Variants in GATD1 observed in about 807,000 individuals in gnomAD.
GATD1 encodes glutamine amidotransferase class 1 domain containing 1.
A neutral mutation model predicts 25.9 loss-of-function variants in GATD1; 23 were observed. That is an observed-to-expected ratio of 0.89 (90% CI 0.64 to 1.26). GATD1 has a LOEUF of 1.26. Ranked by LOEUF, GATD1 falls within the 50% of genes most tolerant of loss-of-function variation. The pLI is 0.00. For missense variants in GATD1, 347 were observed against 312.5 expected (o/e 1.11, Z -0.83); for synonymous variants, 177 against 134.6 (o/e 1.31, Z -2.18).
chr11:775,009 C>A, intron 2 of GATD1, 57 bp downstream of exon 2: 2 of 1,502,512 alleles, frequency 1.3e-6, no homozygotes, highest in Middle Eastern at 1.8e-4. Flanking sequence ...GACCTTGCCC[C>A]CGGAGAGGTG....
In GATD1 at chr11:769,956, G is replaced by A; in HGVS notation, c.*941C>T. The A allele has an allele frequency of 9.9e-7, 1 of 1,011,080 alleles. No individual in the cohort carries two copies. The highest frequency in any genetic ancestry group is 1.2e-6 in the Non-Finnish European group (1 of 847,232). 62.6% of individuals were successfully genotyped at this position (1,011,080 alleles called of 1,614,324 possible). On this transcript the variant is annotated 3_prime_UTR_variant, in exon 8 of 8. Transcript: ENST00000319863. ...ATAATCACAAGGGGCCTCCTGGCAG[G>A]TCACTGGCACCAGGAGCCACGCTGG...
chr11:774,010 T>C lies in GATD1; in HGVS notation c.245A>G (p.Asp82Gly). Residue 82 changes from aspartate to glycine, a missense_variant and splice_region_variant, in exon 3 of 8, where the codon GAT becomes GGT. Physicochemically the swap from Asp to Gly is moderately conservative, Grantham distance 94. Transcript: ENST00000319863. ...CAAGGAGTGGGTCCCGGGCCTACCA[T>C]CGATGGACTCGAGCTTGGCGGGGCT... is the stretch of plus-strand genomic sequence containing the variant. Reference protein sequence around the residue: ...YASPAKLESIDGARYHALLIP... With the variant: ...YASPAKLESIGGARYHALLIP... 1 of 1,613,486 alleles carries C rather than the reference T, an allele frequency of 6.2e-7. No homozygotes were observed.
intron 1 of GATD1, among the ~76,000 whole-genome samples, chr11:776,002 G>C (rs1352206595): frequency 1.6e-4 from 1 of 6,070 alleles, no homozygotes; most frequent in Non-Finnish European, 4.9e-4. Context: ...TTTTTTTTTT[G>C]AGACGGAGTC....
rs111315975 is a variant in GATD1 at position 769,104 on chromosome 11, A to AAAAC, written c.*1792_*1793insGTTT. 7.9e-4 allele frequency: 767 copies of AAAAC among 976,496 alleles called. 2 individuals carry two copies. In the African/African-American group the frequency reaches 0.012, roughly 16 times the overall value. The allele number at this position is 976,496 out of a possible 1,614,324, so 60.5% of individuals were successfully genotyped here. A position where few individuals can be genotyped will look rare whatever the true frequency, so the allele number is the denominator to read the frequency against. ...TGACGAGAGACAAACTCCATCTCAA[A>AAAAC]AAATAAATAAAATAAAAAGCATTTG... On this transcript the variant is annotated 3_prime_UTR_variant, in exon 8 of 8. Transcript: ENST00000319863.
intron 2 of GATD1, 78 bp downstream of exon 2, chr11:774,988 G>A (rs1012044417): frequency 2.6e-5 from 35 of 1,344,336 alleles, no homozygotes; most frequent in South Asian, 1.8e-4. Flanking sequence ...AGGCCGCGGC[G>A]GCAGTCTCCT....
Position 770,746 on chromosome 11 carries a change from C to T in GATD1, c.*151G>A, listed in dbSNP as rs1011781172. Reference sequence around the variant, plus strand: ...AGCCGACACCCCCTCAGAGCTGATTCCAGGAGGCCTCCAACAATCCCATCA... The same window carrying T: ...AGCCGACACCCCCTCAGAGCTGATTTCAGGAGGCCTCCAACAATCCCATCA... On this transcript the variant is annotated 3_prime_UTR_variant, in exon 8 of 8. Transcript: ENST00000319863. 11 of 1,497,864 alleles carry T rather than the reference C, an allele frequency of 7.3e-6. No homozygotes were observed. The highest frequency in any genetic ancestry group is 9.7e-6 in the Non-Finnish European group (11 of 1,129,856). 92.8% of individuals were successfully genotyped at this position (1,497,864 alleles called of 1,614,324 possible). A position where few individuals can be genotyped will look rare whatever the true frequency, so the allele number is the denominator to read the frequency against.
chr11:768,222 G>C lies in GATD1; in HGVS notation c.*2675C>G, dbSNP rs1863167322. On this transcript the variant is annotated 3_prime_UTR_variant, in exon 8 of 8. Transcript: ENST00000319863. ...AGACATGAGCTTGCCTGTAGTCCCA[G>C]CACTTTGGGAAGCCGAGGCGGGCAG... The C allele has an allele frequency of 1.3e-5, 2 of 151,912 alleles. No homozygotes were observed. Among genetic ancestry groups the C allele is most frequent in the Admixed American group, 1.3e-4 (2 of 15,234 alleles). 9.4% of individuals were successfully genotyped at this position (151,912 alleles called of 1,614,324 possible). A position where few individuals can be genotyped will look rare whatever the true frequency, so the allele number is the denominator to read the frequency against.
Position 770,994 on chromosome 11 carries a change from G to T in GATD1, c.655C>A (p.Arg219=), listed in dbSNP as rs540619801. 1 of 1,613,326 alleles carries T rather than the reference G, an allele frequency of 6.2e-7. No homozygotes were observed. The highest frequency in any genetic ancestry group is 8.5e-7 in the Non-Finnish European group (1 of 1,179,992). The change falls in exon 7 of 8, where the codon CGG becomes AGG. Residue 219 remains arginine (R), a splice_region_variant and synonymous_variant. Transcript: ENST00000319863. ...ATGTGCCCACCCTGGTGCCCTCACC[G>T]GCTGCCACAGAGGAAGAGCAGGTTC... ...VQNLLFLCGS[R]K
At chr11:775,770 A>C (rs1391996521) in intron 1 of GATD1, among the ~76,000 whole-genome samples, 1 of 152,000 alleles carries the variant, frequency 6.6e-6, no homozygotes, top group Non-Finnish European at 1.5e-5. Flanking sequence ...GGCCCCTCAA[A>C]AAACTTTTAA....
At chr11:776,114 C>T (rs1293769524) in intron 1 of GATD1, among the ~76,000 whole-genome samples, 1 of 150,832 alleles carries the variant, frequency 6.6e-6, no homozygotes, top group East Asian at 2.0e-4. Context: ...TCCCGAGTAG[C>T]TGGGACTACA....
chr11:777,266 C>T, intron 1 of GATD1, 133 bp downstream of exon 1: 1 of 554,054 alleles, frequency 1.8e-6, no homozygotes, highest in Non-Finnish European at 2.5e-6. Flanking sequence ...CTCCCCCGGC[C>T]CCTGCCCGGC....
chr11:770,069 G>A lies in GATD1; in HGVS notation c.*828C>T, dbSNP rs1863298702. 8.5e-7 allele frequency: 1 copy of A among 1,182,244 alleles called. No individual in the cohort carries two copies. Among genetic ancestry groups the A allele is most frequent in the Non-Finnish European group, 1.0e-6 (1 of 957,040 alleles). The allele number at this position is 1,182,244 out of a possible 1,614,324, so 73.2% of individuals were successfully genotyped here. Reference sequence around the variant, plus strand: ...AACTGGGGAACTGTGAGGAAGTAGAGGGCCTAAGCCTCTCCTGGACGCCCT... The same window carrying A: ...AACTGGGGAACTGTGAGGAAGTAGAAGGCCTAAGCCTCTCCTGGACGCCCT... On this transcript the variant is annotated 3_prime_UTR_variant, in exon 8 of 8. Transcript: ENST00000319863.
Position 768,473 on chromosome 11 carries a change from CAA to C in GATD1, c.*2422_*2423del, listed in dbSNP as rs558271878. ...CTGCCAACAGAGCAAGACTCCATCT[CAA>C]AAAAAAAAAAAAAGGAAAAATACAA... On this transcript the variant is annotated 3_prime_UTR_variant, in exon 8 of 8. Coordinates refer to ENST00000319863, the MANE Select transcript of GATD1 (RefSeq NM_182612.4). 157 of 125,762 alleles carry C rather than the reference CAA, an allele frequency of 1.2e-3. No homozygotes were observed. The highest frequency in any genetic ancestry group is 2.6e-3 in the East Asian group (11 of 4,176). The allele number at this position is 125,762 out of a possible 1,614,324, so 7.8% of individuals were successfully genotyped here. A position where few individuals can be genotyped will look rare whatever the true frequency, so the allele number is the denominator to read the frequency against.
In GATD1 at chr11:770,781, C is replaced by G; in HGVS notation, c.*116G>C. On this transcript the variant is annotated 3_prime_UTR_variant, in exon 8 of 8. Transcript: ENST00000319863. ...TCCAACAATCCCATCAGGGCCAGACCAGGCTGCCATCCAGGGCCCTTGTCA... is the reference window on the plus strand; with the variant it reads ...TCCAACAATCCCATCAGGGCCAGACGAGGCTGCCATCCAGGGCCCTTGTCA... The G allele has an allele frequency of 6.5e-7, 1 of 1,528,240 alleles. No homozygotes were observed. The highest frequency in any genetic ancestry group is 1.4e-5 in the African/African-American group (1 of 72,512). The allele number at this position is 1,528,240 out of a possible 1,614,324, so 94.7% of individuals were successfully genotyped here.
In GATD1 at chr11:767,461, G is replaced by A. The variant is rs1863117901; in HGVS notation, c.*3436C>T. ...TGAGGAATGACGCAGGGGCCTGCAG[G>A]CAGCTCACGCGGAGACAGGTCTGTG... On this transcript the variant is annotated 3_prime_UTR_variant, in exon 8 of 8. Transcript: ENST00000319863. 6.9e-7 allele frequency: 1 copy of A among 1,459,026 alleles called. No individual in the cohort carries two copies. 90.4% of individuals were successfully genotyped at this position (1,459,026 alleles called of 1,614,324 possible). A position where few individuals can be genotyped will look rare whatever the true frequency, so the allele number is the denominator to read the frequency against.
chr11:772,631 C>A, intron 4 of GATD1, 110 bp from the exon 5 acceptor site: 1 of 992,786 alleles, frequency 1.0e-6, no homozygotes, highest in Non-Finnish European at 1.5e-6. Context: ...CCTGCCTGGC[C>A]CCTCCTCCCA....
intron 2 of GATD1, 127 bp downstream of exon 2, chr11:774,939 T>C: frequency 1.2e-6 from 1 of 804,330 alleles, no homozygotes; most frequent in Non-Finnish European, 2.0e-6. Flanking sequence ...TACAGACTCT[T>C]CACCCCTCCA....
At chr11:773,696 C>A in intron 3 of GATD1, 67 bp from the exon 4 acceptor site, 1 of 1,241,260 alleles carries the variant, frequency 8.1e-7, no homozygotes, top group South Asian at 1.3e-5. Flanking sequence ...GGACCAGGCC[C>A]GAGTGCGTGG....
rs147581861 is a variant in GATD1 at position 772,410 on chromosome 11, G to A, written c.450+17C>T. ...CAGAGCAGGGAGCACAGCGTGCCTC[G>A]GCCTCCAGACACTCACCCCTGTCAG... is the stretch of plus-strand genomic sequence containing the variant. On this transcript the variant is annotated intron_variant, in intron 5 of 7. Coordinates refer to ENST00000319863, the MANE Select transcript of GATD1 (RefSeq NM_182612.4). 3.1e-3 allele frequency: 4,997 copies of A among 1,608,242 alleles called. 168 individuals carry two copies. In the African/African-American group the frequency reaches 0.058, roughly 19 times the overall value.
Sources: gnomAD v4.1 joint callset for allele counts (sites outside exome capture counted in the v4.1 genomes callset) on GRCh38, gnomAD v4.1.1 for gene constraint, MANE v1.5 for transcripts, NCBI Gene and HGNC (gene_info 2026-07-23, HGNC 2026-07-21) for gene names.